Variants in OXR1 observed in about 807,000 individuals in gnomAD.
The protein encoded by OXR1 is oxidation resistance 1.
Under a neutral mutation model 104.6 loss-of-function variants are expected in OXR1, and 41 were observed. That is an observed-to-expected ratio of 0.39 (90% CI 0.31 to 0.51). The LOEUF (loss-of-function observed/expected upper bound fraction) is 0.51, where lower values mean the gene tolerates loss of function less well. OXR1 is among the 20% of genes least tolerant of loss of function. The probability of loss-of-function intolerance (pLI) is 0.77; values close to 1 mark genes in which losing one functional copy is unlikely to be tolerated. For missense variants in OXR1, 955 were observed against 1,031.9 expected (o/e 0.93, Z 1.02); for synonymous variants, 348 against 348.4 (o/e 1.00, Z 0.01).
chr8:106,626,334 T>TA (rs773984078), intron 3 of OXR1, among the ~76,000 whole-genome samples: 5,896 of 145,442 alleles, frequency 0.041, 139 homozygotes, highest in Middle Eastern at 0.083. Flanking sequence ...ATTCATTTTC[T>TA]AAAAAAAAAA....
chr8:106,392,350 G>A (rs925820578), intron 2 of OXR1, among the ~76,000 whole-genome samples: 3 of 152,172 alleles, frequency 2.0e-5, no homozygotes, highest in Non-Finnish European at 2.9e-5. Flanking sequence ...TTTTGGAAAC[G>A]TTGAATTTGA....
At chr8:106,627,934 A>G (rs1822311272) in intron 3 of OXR1, among the ~76,000 whole-genome samples, 1 of 152,170 alleles carries the variant, frequency 6.6e-6, no homozygotes. Flanking sequence ...CATGCTTACT[A>G]TTACACAGAG....
At chr8:106,634,697 T>G (rs1291335863) in intron 3 of OXR1, among the ~76,000 whole-genome samples, 1 of 152,148 alleles carries the variant, frequency 6.6e-6, no homozygotes, top group Admixed American at 6.6e-5. Flanking sequence ...CTATTCAAGT[T>G]TTTTAGACTT....
intron 3 of OXR1, among the ~76,000 whole-genome samples, chr8:106,675,063 A>C (rs1035992251): frequency 2.6e-5 from 4 of 152,194 alleles, no homozygotes; most frequent in African/African-American, 9.7e-5. Flanking sequence ...AATATTAGAC[A>C]AAGAATACTT....
rs576513811 is a variant in OXR1 at position 106,346,651 on chromosome 8, A to C, written c.-138-12825A>C. On this transcript the variant is annotated intron_variant, in intron 1 of 16. Coordinates refer to ENST00000517566, the MANE Select transcript of OXR1 (RefSeq NM_001198533.2). The stretch of plus-strand genomic sequence containing the variant: ...TTTTCCATCCCTAATTCATTTTGCC[A>C]GTGGCAACATCATTTCTCCAAGGAT... 1.6e-3 allele frequency among the ~76,000 whole-genome samples: 248 copies of C among 151,868 alleles called. 2 individuals carry two copies. Among genetic ancestry groups the C allele is most frequent in the Non-Finnish European group, 1.9e-3 (131 of 67,974 alleles).
chr8:106,379,623 C>T (rs558722558), intron 2 of OXR1, among the ~76,000 whole-genome samples: 5 of 149,470 alleles, frequency 3.3e-5, no homozygotes, highest in East Asian at 2.0e-4. Flanking sequence ...CTGCAACCTC[C>T]GCCTCCCAGG....
At chr8:106,674,435 A>C (rs1483383960) in intron 3 of OXR1, among the ~76,000 whole-genome samples, 1 of 152,058 alleles carries the variant, frequency 6.6e-6, no homozygotes, top group Non-Finnish European at 1.5e-5. Context: ...GAAGTAACTA[A>C]CTTGCTTTTG....
chr8:106,462,229 T>G (rs1163584291), intron 2 of OXR1, among the ~76,000 whole-genome samples: 2 of 152,182 alleles, frequency 1.3e-5, no homozygotes, highest in African/African-American at 4.8e-5. Flanking sequence ...TTAAGTTAGA[T>G]TTCCCAGATT....
rs561351068 is a variant in OXR1 at position 106,658,204 on chromosome 8, C to G, written c.221-21006C>G. 3.0e-3 allele frequency: 3,650 copies of G among 1,234,924 alleles called. 11 individuals carry two copies. Among genetic ancestry groups the G allele is most frequent in the Non-Finnish European group, 3.4e-3 (3,339 of 987,538 alleles). The allele number at this position is 1,234,924 out of a possible 1,614,324, so 76.5% of individuals were successfully genotyped here. A position where few individuals can be genotyped will look rare whatever the true frequency, so the allele number is the denominator to read the frequency against. On this transcript the variant is annotated intron_variant, in intron 3 of 16. Coordinates refer to ENST00000517566, the MANE Select transcript of OXR1 (RefSeq NM_001198533.2). ...GGACCTGGTGAGCCCACCTTTCTTT[C>G]GCCTCCCGCGCGGCCGACCTGGGCT...
At chr8:106,356,499 T>A (rs1815977893) in intron 1 of OXR1, among the ~76,000 whole-genome samples, 1 of 152,116 alleles carries the variant, frequency 6.6e-6, no homozygotes, top group Non-Finnish European at 1.5e-5. Flanking sequence ...AAGCAATGGG[T>A]TCATATGACT....
chr8:106,678,798 T>C (rs1827852759), intron 3 of OXR1, among the ~76,000 whole-genome samples: 1 of 152,026 alleles, frequency 6.6e-6, no homozygotes, highest in Non-Finnish European at 1.5e-5. Context: ...AATTTTTTCC[T>C]GTGAGAACTA....
chr8:106,586,581 T>C (rs1818648116), intron 3 of OXR1, among the ~76,000 whole-genome samples: 1 of 152,182 alleles, frequency 6.6e-6, no homozygotes, highest in African/African-American at 2.4e-5. Context: ...AATATTGATT[T>C]AGGAGTCTTC....
chr8:106,582,051 AAAC>A (rs1818270833), intron 3 of OXR1, among the ~76,000 whole-genome samples: 1 of 148,814 alleles, frequency 6.7e-6, no homozygotes, highest in Non-Finnish European at 1.5e-5. Context: ...AAAACCTAAA[AAAC>A]AACAACAACA....
intron 7 of OXR1, among the ~76,000 whole-genome samples, chr8:106,699,815 T>C (rs1587146214): frequency 6.6e-6 from 1 of 152,184 alleles, no homozygotes; most frequent in East Asian, 1.9e-4. Flanking sequence ...TTTTTCTTTT[T>C]TCATCTTCCT....
chr8:106,460,267 C>T (rs1481233758), intron 2 of OXR1, among the ~76,000 whole-genome samples: 1 of 152,194 alleles, frequency 6.6e-6, no homozygotes, highest in Admixed American at 6.5e-5. Context: ...ACTTACATTA[C>T]ACCATCGGAG....
intron 2 of OXR1, among the ~76,000 whole-genome samples, chr8:106,495,707 T>C (rs2129902215): frequency 6.6e-6 from 1 of 152,312 alleles, no homozygotes; most frequent in African/African-American, 2.4e-5. Context: ...GAGAGGATGA[T>C]AACTTCAAAT....
chr8:106,571,410 G>T (rs972357974), intron 3 of OXR1, among the ~76,000 whole-genome samples: 5 of 152,002 alleles, frequency 3.3e-5, no homozygotes, highest in African/African-American at 1.2e-4. Flanking sequence ...CATCATGAAG[G>T]CCTGACCCTC....
chr8:106,725,762 C>A (rs1455762881), intron 11 of OXR1, among the ~76,000 whole-genome samples: 1 of 152,128 alleles, frequency 6.6e-6, no homozygotes, highest in East Asian at 1.9e-4. Flanking sequence ...ATAAAAGATA[C>A]AATCTTATAG....
chr8:106,380,450 T>G (rs2130406232), intron 2 of OXR1, among the ~76,000 whole-genome samples: 1 of 152,348 alleles, frequency 6.6e-6, no homozygotes, highest in African/African-American at 2.4e-5. Context: ...AGTTTTTACA[T>G]GGACATTGTT....
Sources: gnomAD v4.1 joint callset for allele counts (sites outside exome capture counted in the v4.1 genomes callset) on GRCh38, gnomAD v4.1.1 for gene constraint, MANE v1.5 for transcripts, NCBI Gene and HGNC (gene_info 2026-07-23, HGNC 2026-07-21) for gene names.